Variants in RASA3 observed in about 807,000 individuals in gnomAD.
The protein encoded by RASA3 is RAS p21 protein activator 3.
A neutral mutation model predicts 110.0 loss-of-function variants in RASA3; 73 were observed. The observed-to-expected ratio is 0.66, with a 90% confidence interval of 0.55 to 0.81. The LOEUF is 0.81. Ranked by LOEUF, RASA3 falls within the 30% of genes least tolerant of loss-of-function variation. The pLI, the probability that RASA3 is intolerant of heterozygous loss-of-function variation, is 0.00. For missense variants in RASA3, 976 were observed against 1,113.2 expected, an observed-to-expected ratio of 0.88 and a Z score of 1.75; for synonymous variants, 500 against 451.4, an observed-to-expected ratio of 1.11 and a Z score of -1.37.
chr13:114,067,865 C>A (rs1275011816), intron 2 of RASA3, among the ~76,000 whole-genome samples: 3 of 152,210 alleles, frequency 2.0e-5, no homozygotes, highest in Admixed American at 6.5e-5. Flanking sequence ...TCTATCTGTT[C>A]CTTGACTTGT....
chr13:114,043,612 G>A (rs988928691), intron 3 of RASA3, among the ~76,000 whole-genome samples: 3 of 152,074 alleles, frequency 2.0e-5, no homozygotes, highest in East Asian at 1.9e-4. Context: ...GGAGCTGCAC[G>A]GGACGCTGAA....
intron 9 of RASA3, among the ~76,000 whole-genome samples, chr13:114,019,982 A>G (rs1293063334): frequency 3.9e-5 from 2 of 50,678 alleles, no homozygotes; most frequent in Non-Finnish European, 6.6e-5. Context: ...CCGAGGCATT[A>G]GCCCCCGCCA....
intron 2 of RASA3, among the ~76,000 whole-genome samples, chr13:114,067,872 T>G (rs772212194): frequency 2.0e-5 from 3 of 152,194 alleles, no homozygotes; most frequent in Non-Finnish European, 4.4e-5. Context: ...GTTCCTTGAC[T>G]TGTAACTTCT....
intron 11 of RASA3, among the ~76,000 whole-genome samples, chr13:114,017,833 G>A (rs1041334154): frequency 7.9e-5 from 12 of 152,140 alleles, no homozygotes; most frequent in African/African-American, 2.9e-4. Flanking sequence ...AGTGCCCCAG[G>A]GAGGGGACCT....
At chr13:114,079,703 G>A (rs2079750764) in intron 1 of RASA3, among the ~76,000 whole-genome samples, 2 of 152,196 alleles carry the variant, frequency 1.3e-5, no homozygotes, top group Non-Finnish European at 2.9e-5. Context: ...TGCCATGCGT[G>A]GGTAGAGACC....
chr13:113,996,623 G>A lies in RASA3; in HGVS notation c.2049C>T (p.Leu683=). The part of the protein sequence containing the change: ...TKVSQCNQKR[L]TVYHPSAYLS... The stretch of plus-strand genomic sequence containing the variant: ...GGTAGGCGGACGGGTGGTAGACGGT[G>A]AGGCGCTTCTGGTTGCACTGGCTCA... The change falls in exon 21 of 24, where the codon CTC becomes CTT. Residue 683 remains leucine, a synonymous_variant. Coordinates refer to ENST00000334062, the MANE Select transcript of RASA3 (RefSeq NM_007368.4). The A allele has an allele frequency of 6.2e-7, 1 of 1,613,748 alleles. No homozygotes were observed. Among genetic ancestry groups the A allele is most frequent in the African/African-American group, 1.3e-5 (1 of 75,068 alleles).
chr13:114,018,517 G>A (rs1275690233), intron 10 of RASA3, among the ~76,000 whole-genome samples: 3 of 152,184 alleles, frequency 2.0e-5, no homozygotes, highest in Admixed American at 1.3e-4. Context: ...TCTGATGATG[G>A]GGTCCCCCTC....
intron 21 of RASA3, among the ~76,000 whole-genome samples, chr13:113,993,827 A>AG (rs377247744): frequency 0.05 from 6,284 of 125,558 alleles, 173 homozygotes; most frequent in Middle Eastern, 0.13. Context: ...AAAAAAAAAA[A>AG]AAAAGAAAAG....
At chr13:114,121,893 C>T (rs1224118952) in intron 1 of RASA3, among the ~76,000 whole-genome samples, 1 of 152,248 alleles carries the variant, frequency 6.6e-6, no homozygotes, top group Non-Finnish European at 1.5e-5. Flanking sequence ...CACCATGCAG[C>T]CGGGCTAGCA....
At chr13:113,980,207 C>A (rs1180926502) in intron 23 of RASA3, among the ~76,000 whole-genome samples, 1 of 137,282 alleles carries the variant, frequency 7.3e-6, no homozygotes, top group Non-Finnish European at 1.6e-5. Context: ...ACCACCTCCT[C>A]CCATGTGTGT....
intron 22 of RASA3, among the ~76,000 whole-genome samples, chr13:113,991,772 G>A (rs563462728): frequency 1.3e-5 from 2 of 152,368 alleles, no homozygotes; most frequent in East Asian, 1.9e-4. Flanking sequence ...TGGCATGTGT[G>A]TACCCACATA....
chr13:114,013,283 C>A (rs370849240), intron 14 of RASA3, 35 bp from the exon 15 acceptor site: 7 of 1,547,200 alleles, frequency 4.5e-6, no homozygotes, highest in Non-Finnish European at 6.2e-6. Context: ...CCGTTTTCCT[C>A]GGGCACAATG....
chr13:114,080,626 G>A (rs1329063491), intron 1 of RASA3, among the ~76,000 whole-genome samples: 1 of 99,224 alleles, frequency 1.0e-5, no homozygotes, highest in East Asian at 3.2e-4. Flanking sequence ...GGTCCTAGAA[G>A]GCGCCCACTG....
intron 9 of RASA3, among the ~76,000 whole-genome samples, chr13:114,021,142 CTT>C: frequency 6.6e-6 from 1 of 152,374 alleles, no homozygotes; most frequent in Non-Finnish European, 1.5e-5. Context: ...CGTTCCCTGT[CTT>C]GTTTTGAGGT....
intron 1 of RASA3, among the ~76,000 whole-genome samples, chr13:114,130,813 G>A (rs1385659758): frequency 2.6e-5 from 4 of 152,128 alleles, no homozygotes; most frequent in Non-Finnish European, 4.4e-5. Context: ...TGCCCCACAG[G>A]GGCACCCACC....
intron 3 of RASA3, among the ~76,000 whole-genome samples, chr13:114,047,486 G>T (rs542711313): frequency 6.6e-6 from 1 of 152,346 alleles, no homozygotes; most frequent in East Asian, 1.9e-4. Context: ...TGGAGACACG[G>T]TTGGGTAGTT....
intron 21 of RASA3, 147 bp downstream of exon 21, chr13:113,996,384 T>G (rs1594289946): frequency 1.2e-6 from 1 of 805,136 alleles, no homozygotes; most frequent in African/African-American, 1.7e-5. Context: ...ACCCCTCGGG[T>G]GGGAGGCTCC....
At chr13:113,995,808 G>GGGCCCAGC (rs1328938935) in intron 21 of RASA3, among the ~76,000 whole-genome samples, 10 of 51,404 alleles carry the variant, frequency 1.9e-4, no homozygotes, top group East Asian at 1.1e-3. Context: ...GCTGATGGGG[G>GGGCCCAGC]TCCGGCTGAC....
intron 22 of RASA3, among the ~76,000 whole-genome samples, chr13:113,989,891 G>A (rs533785159): frequency 6.6e-6 from 1 of 152,222 alleles, no homozygotes; most frequent in South Asian, 2.1e-4. Context: ...ACACAGGTGA[G>A]CCCAGGTGAT....
Sources: allele counts gnomAD v4.1 joint callset (sites outside exome capture counted in the v4.1 genomes callset), GRCh38; gene constraint gnomAD v4.1.1; transcripts MANE v1.5; gene names NCBI Gene and HGNC (gene_info 2026-07-23, HGNC 2026-07-21).